Variants in LAMC3 observed in about 807,000 individuals in gnomAD.
LAMC3 encodes laminin subunit gamma 3.
LAMC3 carries 128 observed loss-of-function variants against 173.8 expected under a neutral mutation model. The ratio of observed to expected loss-of-function variants is 0.74; its 90% CI spans 0.64 to 0.85. The LOEUF (loss-of-function observed/expected upper bound fraction) is 0.85. LAMC3 is among the 40% of genes least tolerant of loss of function. The pLI, the probability that LAMC3 is intolerant of heterozygous loss-of-function variation, is 0.00. For missense variants in LAMC3, 2,022 were observed against 2,156.0 expected (o/e 0.94, Z 1.23); for synonymous variants, 897 against 909.1 (o/e 0.99, Z 0.24).
intron 27 of LAMC3, among the ~76,000 whole-genome samples, chr9:131,089,588 A>G (rs1486411543): frequency 2.9e-5 from 4 of 137,918 alleles, no homozygotes; most frequent in Non-Finnish European, 6.2e-5. Context: ...TATGTTCCCT[A>G]TGTTGCCCAG....
intron 9 of LAMC3, among the ~76,000 whole-genome samples, chr9:131,049,358 C>T (rs570888475): frequency 8.1e-4 from 124 of 152,266 alleles, no homozygotes; most frequent in Middle Eastern, 6.8e-3. Flanking sequence ...CTCTAGAAGC[C>T]GCCTGCATTC....
chr9:131,054,158 A>G (rs1029803893), intron 11 of LAMC3, among the ~76,000 whole-genome samples: 3 of 152,090 alleles, frequency 2.0e-5, no homozygotes, highest in African/African-American at 7.2e-5. Context: ...TGGGAATGTC[A>G]ATTTCTGGGA....
chr9:131,053,090 A>C, intron 11 of LAMC3, 125 bp downstream of exon 11: 2 of 775,670 alleles, frequency 2.6e-6, no homozygotes, highest in South Asian at 2.9e-5. Context: ...TGTTTTGCCA[A>C]GAAGGAACCT....
chr9:131,043,881 G>A (rs1477679851), intron 7 of LAMC3, among the ~76,000 whole-genome samples: 1 of 151,410 alleles, frequency 6.6e-6, no homozygotes, highest in Admixed American at 6.6e-5. Flanking sequence ...CTGTCCGTGG[G>A]TTCTTTGATA....
intron 8 of LAMC3, among the ~76,000 whole-genome samples, chr9:131,048,131 G>A (rs574448942): frequency 6.0e-4 from 79 of 132,510 alleles, no homozygotes; most frequent in African/African-American, 2.2e-3. Flanking sequence ...ATCTCAGCTC[G>A]CTGCAACCTC....
rs913370496 is a variant in LAMC3 at position 131,092,148 on chromosome 9, C to T, written c.*361C>T. 2 of 331,574 alleles carry T rather than the reference C, an allele frequency of 6.0e-6. No individual in the cohort carries two copies. Among genetic ancestry groups the T allele is most frequent in the East Asian group, 7.1e-5 (1 of 14,092 alleles). The allele number at this position is 331,574 out of a possible 1,614,324, so 20.5% of individuals were successfully genotyped here. On this transcript the variant is annotated 3_prime_UTR_variant, in exon 28 of 28. Transcript: ENST00000361069. ...AGCAGCTTACGGTCCACACACATTA[C>T]AGTCCACAGCTGTTGTGAGAGCCAC...
intron 14 of LAMC3, 142 bp downstream of exon 14, chr9:131,067,347 C>G: frequency 9.9e-7 from 1 of 1,006,276 alleles, no homozygotes; most frequent in Non-Finnish European, 1.5e-6. Flanking sequence ...TCAGGCAGGT[C>G]ACTTCCCTTC....
chr9:131,063,874 C>T (rs983651429), intron 13 of LAMC3, among the ~76,000 whole-genome samples: 7 of 152,122 alleles, frequency 4.6e-5, no homozygotes, highest in East Asian at 1.9e-4. Flanking sequence ...CGTTCCGTTC[C>T]GCCTTTTCCT....
Position 131,093,811 on chromosome 9 carries a change from CTT to C in LAMC3, c.*2026_*2027del, listed in dbSNP as rs535059781. ...TCCTGTATCTGCTTCGTTCTTTTCT[CTT>C]TATTTATTGATTTTTTTTGAGATGG... is the stretch of plus-strand genomic sequence containing the variant. On this transcript the variant is annotated 3_prime_UTR_variant, in exon 28 of 28. Transcript: ENST00000361069. The C allele has an allele frequency of 1.3e-5, 2 of 152,286 alleles. No individual in the cohort carries two copies. The highest frequency in any genetic ancestry group is 4.8e-5 in the African/African-American group (2 of 41,398). 9.4% of individuals were successfully genotyped at this position (152,286 alleles called of 1,614,324 possible).
At chr9:131,019,262 AAAACAAAC>A (rs371269481) in intron 1 of LAMC3, among the ~76,000 whole-genome samples, 7 of 152,092 alleles carry the variant, frequency 4.6e-5, no homozygotes, top group African/African-American at 1.2e-4. Context: ...ACTTTGTCTC[AAAACAAAC>A]AAACAAACAA....
At chr9:131,090,528 A>G (rs1167147196) in intron 27 of LAMC3, among the ~76,000 whole-genome samples, 6 of 152,172 alleles carry the variant, frequency 3.9e-5, no homozygotes, top group Non-Finnish European at 8.8e-5. Context: ...CAGTGCTTGC[A>G]GCTGCTTGCC....
chr9:131,088,069 T>C (rs1564158174), intron 27 of LAMC3, among the ~76,000 whole-genome samples: 1 of 152,104 alleles, frequency 6.6e-6, no homozygotes, highest in Non-Finnish European at 1.5e-5. Flanking sequence ...CCTCTATTCT[T>C]TGGGGCAGGG....
intron 7 of LAMC3, among the ~76,000 whole-genome samples, chr9:131,044,767 C>T (rs947926289): frequency 6.6e-6 from 1 of 152,184 alleles, no homozygotes; most frequent in African/African-American, 2.4e-5. Context: ...TCTAAAAATA[C>T]CTGATCAGTG....
At chr9:131,018,445 T>G (rs1264897931) in intron 1 of LAMC3, among the ~76,000 whole-genome samples, 1 of 151,958 alleles carries the variant, frequency 6.6e-6, no homozygotes, top group East Asian at 1.9e-4. Flanking sequence ...CCCAAGATCT[T>G]TTAAACAGCG....
At chr9:131,048,245 T>A (rs1008141034) in intron 8 of LAMC3, among the ~76,000 whole-genome samples, 7 of 151,754 alleles carry the variant, frequency 4.6e-5, no homozygotes, top group Admixed American at 1.3e-4. Context: ...TTAGCAGAGA[T>A]GGGGTTTCGC....
At chr9:131,038,693 T>C (rs1298050812) in intron 4 of LAMC3, among the ~76,000 whole-genome samples, 171 bp from the exon 5 acceptor site, 1 of 152,218 alleles carries the variant, frequency 6.6e-6, no homozygotes, top group Non-Finnish European at 1.5e-5. Flanking sequence ...GAAAATCAAT[T>C]GATCAATGTC....
chr9:131,064,163 C>G (rs1829881201), intron 13 of LAMC3, among the ~76,000 whole-genome samples: 1 of 152,150 alleles, frequency 6.6e-6, no homozygotes, highest in African/African-American at 2.4e-5. Flanking sequence ...TCACCTCAGC[C>G]TCCCAAAGTG....
In LAMC3 at chr9:131,032,569, G is replaced by GCT. The variant is rs1391868314; in HGVS notation, c.809+402_809+403dup. 2.6e-3 allele frequency among the ~76,000 whole-genome samples: 275 copies of GCT among 105,358 alleles called. 6 individuals are homozygous for GCT. Among genetic ancestry groups the GCT allele is most frequent in the African/African-American group, 0.015 (257 of 17,116 alleles). The allele number at this position is 105,358 out of a possible 152,430, so 69.1% of individuals were successfully genotyped here. On this transcript the variant is annotated intron_variant, in intron 3 of 27. Coordinates refer to ENST00000361069, the MANE Select transcript of LAMC3 (RefSeq NM_006059.4). ...CTTGCTCTCTCTCGCTCTCTCTCTT[G>GCT]CTCTCTCTCGCTTGCTCTCTTTCTC...
At chr9:131,053,345 G>C (rs912082945) in intron 11 of LAMC3, among the ~76,000 whole-genome samples, 5 of 152,184 alleles carry the variant, frequency 3.3e-5, no homozygotes, top group African/African-American at 9.7e-5. Flanking sequence ...TCCCCTGGCA[G>C]AGTGACTCCC....
Sources: allele counts gnomAD v4.1 joint callset (sites outside exome capture counted in the v4.1 genomes callset), GRCh38; gene constraint gnomAD v4.1.1; transcripts MANE v1.5; gene names NCBI Gene and HGNC (gene_info 2026-07-23, HGNC 2026-07-21).